The following ANGPT1 variants were observed in gnomAD, a reference collection of about 807,000 sequenced individuals.
ANGPT1 encodes angiopoietin 1.
Under a neutral mutation model 62.2 loss-of-function variants are expected in ANGPT1, and 17 were observed. The ratio of observed to expected loss-of-function variants is 0.27; its 90% CI spans 0.19 to 0.41. The LOEUF is 0.41. Ranked by LOEUF, ANGPT1 falls within the 10% of genes least tolerant of loss-of-function variation. The pLI is 1.00. For synonymous variants in ANGPT1, 199 were observed against 198.9 expected (o/e 1.00, Z 0.00); for missense variants, 478 against 594.9 (o/e 0.80, Z 2.04).
intron 4 of ANGPT1, among the ~76,000 whole-genome samples, chr8:107,304,170 T>C (rs1043868476): frequency 6.7e-6 from 1 of 149,870 alleles, no homozygotes; most frequent in Admixed American, 6.7e-5. Flanking sequence ...AGACAGAAAA[T>C]CTATTAATAG....
intron 6 of ANGPT1, among the ~76,000 whole-genome samples, chr8:107,287,790 CTTTG>C (rs1231218299): frequency 6.6e-6 from 1 of 152,154 alleles, no homozygotes; most frequent in East Asian, 1.9e-4. Flanking sequence ...GAAATATCGA[CTTTG>C]TTTCTGAGCC....
intron 5 of ANGPT1, among the ~76,000 whole-genome samples, chr8:107,301,288 T>G (rs1383860300): frequency 6.6e-6 from 1 of 152,000 alleles, no homozygotes; most frequent in Non-Finnish European, 1.5e-5. Context: ...TTTATTTTTA[T>G]AGTCAGATTA....
At chr8:107,465,641 A>G (rs963942575) in intron 1 of ANGPT1, among the ~76,000 whole-genome samples, 1 of 152,156 alleles carries the variant, frequency 6.6e-6, no homozygotes, top group South Asian at 2.1e-4. Flanking sequence ...GTCTTTAAAC[A>G]TACATCTTCG....
chr8:107,373,540 T>C (rs1816460133), intron 1 of ANGPT1, among the ~76,000 whole-genome samples: 1 of 152,214 alleles, frequency 6.6e-6, no homozygotes, highest in South Asian at 2.1e-4. Context: ...AGTGAAATGA[T>C]GTAGTCCATG....
At chr8:107,252,726 A>C (rs2129980220) in intron 8 of ANGPT1, among the ~76,000 whole-genome samples, 1 of 152,352 alleles carries the variant, frequency 6.6e-6, no homozygotes, top group East Asian at 1.9e-4. Flanking sequence ...CTTGATGAGT[A>C]ACATGGAAAT....
At chr8:107,283,250 C>A (rs35026289) in intron 7 of ANGPT1, among the ~76,000 whole-genome samples, 2,315 of 152,142 alleles carry the variant, frequency 0.015, 32 homozygotes, top group Non-Finnish European at 0.025. Flanking sequence ...AAAATATTGA[C>A]CTCCTTGGAA....
intron 2 of ANGPT1, among the ~76,000 whole-genome samples, chr8:107,342,740 A>G (rs1815719605): frequency 6.6e-6 from 1 of 151,316 alleles, no homozygotes; most frequent in Non-Finnish European, 1.5e-5. Flanking sequence ...TTTCAGTTAA[A>G]AGATTCATGC....
At chr8:107,309,361 G>A (rs1210829972) in intron 4 of ANGPT1, among the ~76,000 whole-genome samples, 3 of 152,104 alleles carry the variant, frequency 2.0e-5, no homozygotes, top group Non-Finnish European at 4.4e-5. Context: ...GAAATTAACT[G>A]AGCATATAAA....
intron 1 of ANGPT1, among the ~76,000 whole-genome samples, chr8:107,457,489 C>A (rs535799454): frequency 1.3e-5 from 2 of 152,060 alleles, no homozygotes; most frequent in African/African-American, 4.8e-5. Context: ...CATGAGGCTT[C>A]TTTGTGGTCG....
intron 4 of ANGPT1, among the ~76,000 whole-genome samples, chr8:107,306,511 C>A (rs1164726899): frequency 1.3e-5 from 2 of 152,058 alleles, no homozygotes; most frequent in Non-Finnish European, 2.9e-5. Flanking sequence ...TGACTTTTTG[C>A]ATGACTCGTT....
chr8:107,367,652 C>T (rs1247757439), intron 1 of ANGPT1, among the ~76,000 whole-genome samples: 1 of 152,192 alleles, frequency 6.6e-6, no homozygotes, highest in Non-Finnish European at 1.5e-5. Flanking sequence ...ACTCAATCCT[C>T]TGAAACCCTG....
chr8:107,334,742 AG>A (rs996420547), intron 3 of ANGPT1, among the ~76,000 whole-genome samples: 1 of 152,204 alleles, frequency 6.6e-6, no homozygotes, highest in African/African-American at 2.4e-5. Context: ...CCCTAGATTA[AG>A]GGGTGGTTGA....
In ANGPT1 at chr8:107,443,938, C is replaced by T. The variant is rs188322935; in HGVS notation, c.297+53324G>A. On this transcript the variant is annotated intron_variant, in intron 1 of 8. Transcript: ENST00000517746. ...TGCAGACAAACACAAAATGAATTCT[C>T]GTTAATGTCTTCTCTCAGATTTTAA... is the stretch of plus-strand genomic sequence containing the variant. Among the ~76,000 whole-genome samples the T allele has an allele frequency of 1.9e-4, 29 of 152,072 alleles. No homozygotes were observed. In the East Asian group the frequency reaches 3.9e-3, roughly 20 times the overall value.
At chr8:107,485,354 A>AT (rs1812789211) in intron 1 of ANGPT1, among the ~76,000 whole-genome samples, 1 of 152,136 alleles carries the variant, frequency 6.6e-6, no homozygotes, top group African/African-American at 2.4e-5. Flanking sequence ...ACTGAAATCT[A>AT]TTTTGTCCCC....
intron 5 of ANGPT1, among the ~76,000 whole-genome samples, chr8:107,302,649 G>A (rs1814620743): frequency 1.3e-5 from 2 of 151,940 alleles, no homozygotes; most frequent in Admixed American, 1.3e-4. Context: ...CAAAAGAGAT[G>A]TTACAGCAGG....
chr8:107,476,285 A>G (rs1373156440), intron 1 of ANGPT1, among the ~76,000 whole-genome samples: 1 of 152,066 alleles, frequency 6.6e-6, no homozygotes, highest in Admixed American at 6.6e-5. Flanking sequence ...GTCCTTTGTA[A>G]GGACATGGAT....
chr8:107,299,254 C>T (rs574396861), intron 5 of ANGPT1, among the ~76,000 whole-genome samples: 2 of 150,706 alleles, frequency 1.3e-5, no homozygotes, highest in South Asian at 4.2e-4. Flanking sequence ...AGGGTGTATC[C>T]TAGAATTAGA....
At chr8:107,480,064 C>G (rs1181462173) in intron 1 of ANGPT1, among the ~76,000 whole-genome samples, 1 of 152,142 alleles carries the variant, frequency 6.6e-6, no homozygotes, top group African/African-American at 2.4e-5. Flanking sequence ...ATGCAATCTT[C>G]TGGAAGGCAG....
chr8:107,384,973 G>A (rs1374028511), intron 1 of ANGPT1, among the ~76,000 whole-genome samples: 1 of 151,932 alleles, frequency 6.6e-6, no homozygotes, highest in Non-Finnish European at 1.5e-5. Flanking sequence ...TGTTTGATTG[G>A]TCTGTCTGTT....
Sources: allele counts gnomAD v4.1 joint callset (sites outside exome capture counted in the v4.1 genomes callset), GRCh38; gene constraint gnomAD v4.1.1; transcripts MANE v1.5; gene names NCBI Gene and HGNC (gene_info 2026-07-23, HGNC 2026-07-21).